The following TBC1D32 variants were observed in gnomAD, a reference collection of about 807,000 sequenced individuals.
The protein encoded by TBC1D32 is TBC1 domain family member 32, also known as protein broad-minded.
TBC1D32 carries 151 observed loss-of-function variants against 170.3 expected under a neutral mutation model. The ratio of observed to expected loss-of-function variants is 0.89; its 90% CI spans 0.78 to 1.01. The LOEUF is 1.01. Ranked by LOEUF, TBC1D32 falls within the 50% of genes least tolerant of loss-of-function variation. The pLI, the probability that TBC1D32 is intolerant of heterozygous loss-of-function variation, is 0.00. For missense variants in TBC1D32, 1,464 were observed against 1,457.1 expected (o/e 1.00, Z -0.08); for synonymous variants, 498 against 488.0 (o/e 1.02, Z -0.27).
chr6:121,156,796 T>G (rs1202487157), intron 24 of TBC1D32, among the ~76,000 whole-genome samples: 1 of 152,158 alleles, frequency 6.6e-6, no homozygotes, highest in South Asian at 2.1e-4. Context: ...GAGCTAGTTG[T>G]TTAATTTCCA....
At position 121,321,661 on chromosome 6, in the gene TBC1D32, C is replaced by A; in HGVS notation, c.289G>T (p.Val97Phe). ...ECGYDTVVQQ[V>F]TKRTQESKEY... ...TTAGATTCTTGAGTTCTTTTAGTGA[C>A]CTGCTGTACAACTGTATCATAGCCG... is the stretch of plus-strand genomic sequence containing the variant. The change falls in exon 2 of 32, where the codon GTC becomes TTC. Residue 97 changes from valine to phenylalanine, a missense_variant. Physicochemically the swap from Val to Phe is conservative, Grantham distance 50. Coordinates refer to ENST00000398212, the MANE Select transcript of TBC1D32 (RefSeq NM_152730.6). The A allele has an allele frequency of 6.2e-7, 1 of 1,612,910 alleles. No individual in the cohort carries two copies. The highest frequency in any genetic ancestry group is 1.1e-5 in the South Asian group (1 of 90,786).
At chr6:121,111,889 C>A (rs1384227177) in intron 29 of TBC1D32, among the ~76,000 whole-genome samples, 1 of 152,098 alleles carries the variant, frequency 6.6e-6, no homozygotes, top group Non-Finnish European at 1.5e-5. Flanking sequence ...ATTAGCATAG[C>A]TGATATTTTT....
chr6:121,155,446 G>A (rs1368026036), intron 24 of TBC1D32, among the ~76,000 whole-genome samples: 1 of 152,008 alleles, frequency 6.6e-6, no homozygotes, highest in Non-Finnish European at 1.5e-5. Flanking sequence ...ATCAGCAAGG[G>A]GAGATAGTTT....
intron 3 of TBC1D32, among the ~76,000 whole-genome samples, chr6:121,311,898 T>C (rs1482869750): frequency 6.6e-6 from 1 of 152,106 alleles, no homozygotes; most frequent in Non-Finnish European, 1.5e-5. Flanking sequence ...AGCAATCCCA[T>C]GCACACGTAT....
chr6:121,265,252 C>T (rs767298112), intron 15 of TBC1D32, among the ~76,000 whole-genome samples: 1 of 152,080 alleles, frequency 6.6e-6, no homozygotes, highest in Non-Finnish European at 1.5e-5. Flanking sequence ...AAATCAGAAC[C>T]ATTACTATAC....
chr6:121,125,295 T>C (rs1780702669), intron 26 of TBC1D32, among the ~76,000 whole-genome samples: 1 of 152,122 alleles, frequency 6.6e-6, no homozygotes. Context: ...TGACATAGCT[T>C]TCCAGCCCAG....
intron 20 of TBC1D32, among the ~76,000 whole-genome samples, chr6:121,236,459 T>C (rs891284255): frequency 6.6e-6 from 1 of 152,128 alleles, no homozygotes; most frequent in African/African-American, 2.4e-5. Flanking sequence ...TATCTAGTTA[T>C]ATATCGAAAC....
chr6:121,270,689 G>A (rs1308837664), intron 15 of TBC1D32, among the ~76,000 whole-genome samples: 1 of 152,076 alleles, frequency 6.6e-6, no homozygotes. Flanking sequence ...AGTACAAAGA[G>A]GAGCTGGTAC....
intron 22 of TBC1D32, among the ~76,000 whole-genome samples, chr6:121,172,112 C>T (rs1787094385): frequency 6.6e-6 from 1 of 152,054 alleles, no homozygotes; most frequent in South Asian, 2.1e-4. Flanking sequence ...TATATATATT[C>T]TCTCTTGAAT....
At chr6:121,292,699 A>C (rs1805052423) in intron 11 of TBC1D32, among the ~76,000 whole-genome samples, 1 of 152,228 alleles carries the variant, frequency 6.6e-6, no homozygotes, top group Non-Finnish European at 1.5e-5. Flanking sequence ...AATCTAAAAC[A>C]AAACATCTCT....
intron 17 of TBC1D32, among the ~76,000 whole-genome samples, chr6:121,250,531 C>A (rs1798156029): frequency 2.0e-5 from 3 of 152,092 alleles, no homozygotes; most frequent in South Asian, 4.1e-4. Context: ...CGATAAAATT[C>A]AACACCCCTT....
At chr6:121,293,978 T>G (rs181779114) in intron 11 of TBC1D32, among the ~76,000 whole-genome samples, 1 of 151,628 alleles carries the variant, frequency 6.6e-6, no homozygotes, top group Admixed American at 6.6e-5. Context: ...GTGTAGGGAA[T>G]TACAGATGGG....
At chr6:121,229,192 T>C (rs1445571661) in intron 20 of TBC1D32, among the ~76,000 whole-genome samples, 1 of 152,124 alleles carries the variant, frequency 6.6e-6, no homozygotes, top group African/African-American at 2.4e-5. Context: ...CCTCCCTCCA[T>C]AACACCCAGT....
At chr6:121,129,943 G>GGACA (rs1366879788) in intron 25 of TBC1D32, 1 of 431,940 alleles carries the variant, frequency 2.3e-6, no homozygotes, top group Admixed American at 2.6e-5. Context: ...TAAACAAAGG[G>GGACA]GACAACAGGA....
intron 17 of TBC1D32, among the ~76,000 whole-genome samples, chr6:121,252,954 A>G (rs1410446207): frequency 6.6e-6 from 1 of 152,182 alleles, no homozygotes; most frequent in African/African-American, 2.4e-5. Flanking sequence ...ATAAAAATCA[A>G]CACATGATGG....
At chr6:121,118,579 T>C (rs1386135933) in intron 26 of TBC1D32, among the ~76,000 whole-genome samples, 1 of 152,186 alleles carries the variant, frequency 6.6e-6, no homozygotes, top group African/African-American at 2.4e-5. Flanking sequence ...GCCTGGCACC[T>C]AATAGTATGG....
chr6:121,098,219 T>TAAA (rs921372853), intron 30 of TBC1D32, among the ~76,000 whole-genome samples: 1 of 142,308 alleles, frequency 7.0e-6, no homozygotes, highest in African/African-American at 2.8e-5. Flanking sequence ...ATAATAATAA[T>TAAA]AAAACATTAA....
At chr6:121,108,110 A>G (rs536817356) in intron 29 of TBC1D32, among the ~76,000 whole-genome samples, 1 of 152,176 alleles carries the variant, frequency 6.6e-6, no homozygotes, top group Non-Finnish European at 1.5e-5. Context: ...CACAGTATGC[A>G]ATCATTAGTG....
chr6:121,298,184 T>C, intron 10 of TBC1D32, among the ~76,000 whole-genome samples: 1 of 152,030 alleles, frequency 6.6e-6, no homozygotes, highest in East Asian at 1.9e-4. Flanking sequence ...ATTTTGTAAA[T>C]GTAGGAAAGC....
Sources: allele counts gnomAD v4.1 joint callset (sites outside exome capture counted in the v4.1 genomes callset), GRCh38; gene constraint gnomAD v4.1.1; transcripts MANE v1.5; gene names NCBI Gene and HGNC (gene_info 2026-07-23, HGNC 2026-07-21).